The following SP110 variants were observed in gnomAD, a reference collection of about 807,000 sequenced individuals.
SP110 encodes the protein interferon-induced protein 41, 30kD.
SP110 carries 62 observed loss-of-function variants against 92.7 expected under a neutral mutation model. The ratio of observed to expected loss-of-function variants is 0.67; its 90% CI spans 0.55 to 0.83. SP110 has a LOEUF of 0.83. Ranked by LOEUF, SP110 falls within the 40% of genes least tolerant of loss-of-function variation. The probability of loss-of-function intolerance (pLI) is 0.00; values close to 1 mark genes in which losing one functional copy is unlikely to be tolerated. For synonymous variants in SP110, 273 were observed against 305.3 expected (o/e 0.89, Z 1.10); for missense variants, 793 against 863.9 (o/e 0.92, Z 1.03).
chr2:230,216,435 A>G (rs2045186002), intron 2 of SP110, among the ~76,000 whole-genome samples: 1 of 152,180 alleles, frequency 6.6e-6, no homozygotes, highest in Non-Finnish European at 1.5e-5. Context: ...ACCAGAAGCT[A>G]GGAGATAGGC....
intron 18 of SP110, among the ~76,000 whole-genome samples, chr2:230,170,013 A>G (rs1045816400): frequency 2.0e-5 from 3 of 152,106 alleles, no homozygotes; most frequent in Non-Finnish European, 4.4e-5. Context: ...GGAGATGAAA[A>G]TCTTCCTTAG....
In SP110 at chr2:230,186,122, C is replaced by T. The variant is rs2042346921; in HGVS notation, c.1151G>A (p.Gly384Asp). Residue 384 changes from glycine to aspartate, a missense_variant, in exon 11 of 19, where the codon GGC becomes GAC. Gly to Asp is a moderately conservative substitution (Grantham distance 94, BLOSUM62 -1). Coordinates refer to ENST00000258381, the MANE Select transcript of SP110 (RefSeq NM_080424.4). The stretch of plus-strand genomic sequence containing the variant: ...CACCACTTGGAGCTTCTCTTGGATG[C>T]CATGCCCAGGTGAGGCTGCCCCTGG... ...VTQGAASPGH[G>D]IQEKLQVVDK... 2 of 1,613,974 alleles carry T rather than the reference C, an allele frequency of 1.2e-6. No individual in the cohort carries two copies. Among genetic ancestry groups the T allele is most frequent in the African/African-American group, 2.7e-5 (2 of 74,898 alleles).
upstream of SP110, among the ~76,000 whole-genome samples, chr2:230,223,609 C>T (rs1416811323): frequency 6.6e-6 from 1 of 152,144 alleles, no homozygotes; most frequent in African/African-American, 2.4e-5. Flanking sequence ...AAGAGATATT[C>T]AAGGAAATAT....
chr2:230,168,795 A>C lies in SP110; in HGVS notation c.*329T>G, dbSNP rs547245794. On this transcript the variant is annotated 3_prime_UTR_variant, in exon 19 of 19. Transcript: ENST00000258381. ...AAAGAGACATAGGGACAGGAGAGCC[A>C]AATGCAGTGTGTGGAACTTGTTTAG... 5 of 255,120 alleles carry C rather than the reference A, an allele frequency of 2.0e-5. No individual in the cohort carries two copies. The highest frequency in any genetic ancestry group is 3.9e-5 in the Non-Finnish European group (5 of 128,716). The allele number at this position is 255,120 out of a possible 1,614,324, so 15.8% of individuals were successfully genotyped here.
intron 10 of SP110, among the ~76,000 whole-genome samples, chr2:230,197,948 A>G (rs1365105792): frequency 6.6e-6 from 1 of 152,176 alleles, no homozygotes; most frequent in African/African-American, 2.4e-5. Context: ...TACCATGCCT[A>G]GCCTGATTTA....
chr2:230,221,658 G>A, upstream of SP110: 2 of 1,519,232 alleles, frequency 1.3e-6, no homozygotes, highest in African/African-American at 2.7e-5. Flanking sequence ...GGATGGCGGT[G>A]GTAAAGGAAT....
In SP110 at chr2:230,169,060, T is replaced by A. The variant is rs2078360344; in HGVS notation, c.*64A>T. ...TCCCAGACTCACTGGCAATCAACAG[T>A]CCAAGCCAGGGTCCCATCAGCTGAA... On this transcript the variant is annotated 3_prime_UTR_variant, in exon 19 of 19. Coordinates refer to ENST00000258381, the MANE Select transcript of SP110 (RefSeq NM_080424.4). 1 of 1,112,520 alleles carries A rather than the reference T, an allele frequency of 9.0e-7. No individual in the cohort carries two copies. Among genetic ancestry groups the A allele is most frequent in the African/African-American group, 1.5e-5 (1 of 65,328 alleles). The allele number at this position is 1,112,520 out of a possible 1,614,324, so 68.9% of individuals were successfully genotyped here. A position where few individuals can be genotyped will look rare whatever the true frequency, so the allele number is the denominator to read the frequency against.
chr2:230,174,522 AT>A (rs2041761898), intron 14 of SP110, among the ~76,000 whole-genome samples: 2 of 152,154 alleles, frequency 1.3e-5, no homozygotes, highest in Non-Finnish European at 1.5e-5. Context: ...TGGACCACCC[AT>A]GATGGCCATG....
In SP110 at chr2:230,168,074, ACTCCGGCCTGGGTGACAGAGTGAGACT is replaced by A; in HGVS notation, c.*1023_*1049del. 7.9e-6 allele frequency: 1 copy of A among 126,896 alleles called. No individual in the cohort carries two copies. 7.9% of individuals were successfully genotyped at this position (126,896 alleles called of 1,614,324 possible). ...CAGTGAGTCAAGATGACGCTACTGT[ACTCCGGCCTGGGTGACAGAGTGAGACT>A]CTGTCTCAAAAAAAAAAAAAAAAAA... On this transcript the variant is annotated 3_prime_UTR_variant, in exon 19 of 19. Coordinates refer to ENST00000258381, the MANE Select transcript of SP110 (RefSeq NM_080424.4).
chr2:230,218,321 A>AT (rs997848082), intron 1 of SP110, among the ~76,000 whole-genome samples: 2 of 152,162 alleles, frequency 1.3e-5, no homozygotes, highest in African/African-American at 2.4e-5. Context: ...TCATTCCCCA[A>AT]TTTTTTTAAC....
rs34761414 is a variant in SP110, at chr2:230,165,895, C to CTTTTT, written c.*3224_*3228dup. Among the ~76,000 whole-genome samples, 1 of 138,880 alleles carries CTTTTT rather than the reference C, an allele frequency of 7.2e-6. No homozygotes were observed. Among genetic ancestry groups the CTTTTT allele is most frequent in the Non-Finnish European group, 1.5e-5 (1 of 65,140 alleles). 91.1% of individuals were successfully genotyped at this position (138,880 alleles called of 152,430 possible). On this transcript the variant is annotated 3_prime_UTR_variant, in exon 19 of 19. Transcript: ENST00000258381. ...GACAGAAATAAGACCACCTATATAA[C>CTTTTT]TTTTTTTTTTTTTTTTGAAACAGAG...
At chr2:230,207,587 G>A (rs973465234) in intron 8 of SP110, among the ~76,000 whole-genome samples, 3 of 152,160 alleles carry the variant, frequency 2.0e-5, no homozygotes, top group African/African-American at 7.2e-5. Context: ...TCAGCAATGG[G>A]CATTACCACT....
At chr2:230,171,893 G>A in intron 16 of SP110, 126 bp from the exon 17 acceptor site, 1 of 867,624 alleles carries the variant, frequency 1.2e-6, no homozygotes, top group East Asian at 2.5e-5. Context: ...TGCTTCCCAA[G>A]GCGCACAGGG....
At chr2:230,172,626 G>C (rs576562200) in intron 15 of SP110, 374 of 572,066 alleles carry the variant, frequency 6.5e-4, no homozygotes, top group Non-Finnish European at 4.2e-4. Context: ...AGGAGTCCCT[G>C]CTGTCCAGGG....
At chr2:230,198,912 G>A (rs1394842698) in intron 10 of SP110, among the ~76,000 whole-genome samples, 2 of 152,124 alleles carry the variant, frequency 1.3e-5, no homozygotes, top group African/African-American at 4.8e-5. Context: ...AGCATTTAGA[G>A]TCCTTCAGTG....
At position 230,166,129 on chromosome 2, in the gene SP110, C is replaced by T. The variant is rs561844867; in HGVS notation, c.*2995G>A. Among the ~76,000 whole-genome samples, 1 of 152,222 alleles carries T rather than the reference C, an allele frequency of 6.6e-6. No individual in the cohort carries two copies. Among genetic ancestry groups the T allele is most frequent in the African/African-American group, 2.4e-5 (1 of 41,556 alleles). ...GGCTGGTCTCGATCTCTTGACCTCG[C>T]GATCCACTCGCCTCAGCCTCCCAAA... On this transcript the variant is annotated 3_prime_UTR_variant, in exon 19 of 19. Coordinates refer to ENST00000258381, the MANE Select transcript of SP110 (RefSeq NM_080424.4).
rs1294188495 is a variant in SP110 at position 230,172,110 on chromosome 2, C to A, written c.1771G>T (p.Val591Leu). ...RSSGSQQCHHVSKTLERQMQP... is the reference protein window; with the variant it reads ...RSSGSQQCHHLSKTLERQMQP... ...ATCTGCCTCTCCAGGGTCTTAGATA[C>A]ATGATGGCACTGTTGGCTTCCTGAA... Residue 591 changes from valine (V) to leucine (L), a missense_variant, in exon 16 of 19, where the codon GTA becomes TTA. Coordinates refer to ENST00000258381, the MANE Select transcript of SP110 (RefSeq NM_080424.4). 6.2e-7 allele frequency: 1 copy of A among 1,613,702 alleles called. No homozygotes were observed.
rs1158678695 is a variant in SP110 at position 230,219,918 on chromosome 2, A to G, written c.-46T>C. 7 of 985,558 alleles carry G rather than the reference A, an allele frequency of 7.1e-6. No homozygotes were observed. The highest frequency in any genetic ancestry group is 1.1e-4 in the East Asian group (1 of 8,956). The allele number at this position is 985,558 out of a possible 1,614,324, so 61.1% of individuals were successfully genotyped here. ...TTCCTGCCCCTTTCCAGGGGCTGGG[A>G]CAGGGATCACTCCTCAAGATTGGGA... On this transcript the variant is annotated 5_prime_UTR_variant, in exon 1 of 19. Transcript: ENST00000258381.
intron 14 of SP110, 106 bp from the exon 15 acceptor site, chr2:230,173,065 T>C: frequency 1.3e-6 from 1 of 772,994 alleles, no homozygotes. Context: ...AGAGTGGATA[T>C]CCAAACCCAA....
Sources: gnomAD v4.1 joint callset for allele counts (sites outside exome capture counted in the v4.1 genomes callset) on GRCh38, gnomAD v4.1.1 for gene constraint, MANE v1.5 for transcripts, NCBI Gene and HGNC (gene_info 2026-07-23, HGNC 2026-07-21) for gene names.